Variants in GRIK4 observed in about 807,000 individuals in gnomAD.
GRIK4 encodes glutamate ionotropic receptor kainate type subunit 4.
GRIK4 carries 40 observed loss-of-function variants against 104.9 expected under a neutral mutation model. The observed-to-expected ratio is 0.38, with a 90% confidence interval of 0.30 to 0.50. GRIK4 has a LOEUF of 0.50. Among genes scored for constraint, GRIK4 ranks in the 20% least tolerant of loss-of-function variants. The pLI is 0.93. For missense variants in GRIK4, 1,047 were observed against 1,308.1 expected, an observed-to-expected ratio of 0.80 and a Z score of 3.08; for synonymous variants, 485 against 524.9, an observed-to-expected ratio of 0.92 and a Z score of 1.04.
In GRIK4 at chr11:120,903,876, G is replaced by A. The variant is rs1052772981; in HGVS notation, c.1273-1414G>A. Among the ~76,000 whole-genome samples, 9 of 152,132 alleles carry A rather than the reference G, an allele frequency of 5.9e-5. No individual in the cohort carries two copies. The highest frequency in any genetic ancestry group is 1.3e-4 in the Non-Finnish European group (9 of 68,022). The stretch of plus-strand genomic sequence containing the variant: ...CCACCACGCCTGCCTTCAAAAGGTC[G>A]GCAGTGACACATGATCAACACGCTG... On this transcript the variant is annotated intron_variant, in intron 12 of 20. Transcript: ENST00000527524. The surrounding 1 kb of genome is among the most constrained non-coding windows in gnomAD (Gnocchi z 4.4).
chr11:120,787,732 G>A (rs1382338551), intron 3 of GRIK4, among the ~76,000 whole-genome samples: 1 of 151,792 alleles, frequency 6.6e-6, no homozygotes, highest in Non-Finnish European at 1.5e-5. Flanking sequence ...CAAAGTGCTG[G>A]GATTACAGGT....
At chr11:120,883,523 C>T (rs1316312179) in intron 11 of GRIK4, among the ~76,000 whole-genome samples, 1 of 152,202 alleles carries the variant, frequency 6.6e-6, no homozygotes, top group Non-Finnish European at 1.5e-5. Flanking sequence ...CCAGGGACAA[C>T]GGTCAAGGGG....
rs1944054579 is a variant in GRIK4 at position 120,953,407 on chromosome 11, G to A, written c.1700+443G>A. On this transcript the variant is annotated intron_variant, in intron 15 of 20. Transcript: ENST00000527524. This position sits in a 1 kb window ranked among gnomAD's most constrained non-coding sequence, Gnocchi z 4.9. Reference sequence around the variant, plus strand: ...TGCCGAATGACAAGGAACAGAGCCTGCAAATCTGGACTGGGGGCACTGGGG... The same window carrying A: ...TGCCGAATGACAAGGAACAGAGCCTACAAATCTGGACTGGGGGCACTGGGG... Among the ~76,000 whole-genome samples, 2 of 152,022 alleles carry A rather than the reference G, an allele frequency of 1.3e-5. No homozygotes were observed. Among genetic ancestry groups the A allele is most frequent in the Non-Finnish European group, 2.9e-5 (2 of 68,004 alleles).
At chr11:120,527,729 G>A (rs1030947809) in intron 1 of GRIK4, among the ~76,000 whole-genome samples, 11 of 152,220 alleles carry the variant, frequency 7.2e-5, no homozygotes, top group African/African-American at 2.4e-4. Context: ...CATTGTGCTT[G>A]CATTTATATG....
chr11:120,540,718 T>C (rs565734083), intron 1 of GRIK4, among the ~76,000 whole-genome samples: 9 of 152,276 alleles, frequency 5.9e-5, no homozygotes, highest in African/African-American at 1.7e-4. Flanking sequence ...GGTGGGAAGC[T>C]TCCTGAGTTA....
At chr11:120,907,235 T>G (rs1463415444) in intron 13 of GRIK4, among the ~76,000 whole-genome samples, 2 of 152,224 alleles carry the variant, frequency 1.3e-5, no homozygotes, top group African/African-American at 2.4e-5. Flanking sequence ...ACTGATGTCC[T>G]TGTTCACCTT....
At chr11:120,933,396 T>C (rs531987207) in intron 13 of GRIK4, among the ~76,000 whole-genome samples, 2 of 152,160 alleles carry the variant, frequency 1.3e-5, no homozygotes, top group Non-Finnish European at 2.9e-5. Context: ...GCTACTTACT[T>C]CAAACCAGGC....
rs148696113 is a variant in GRIK4, at chr11:120,732,226, G to A, written c.83-70467G>A. 4.6e-4 allele frequency among the ~76,000 whole-genome samples: 70 copies of A among 152,192 alleles called. 1 individual carries two copies. In the East Asian group the frequency reaches 0.01, roughly 22 times the overall value. ...GGTTCACTGCAACCTGTGCCTCCTG[G>A]GTTCAAGCGATTCTCCTGCCTCAGC... is the stretch of plus-strand genomic sequence containing the variant. On this transcript the variant is annotated intron_variant, in intron 3 of 20. Coordinates refer to ENST00000527524, the MANE Select transcript of GRIK4 (RefSeq NM_014619.5).
intron 3 of GRIK4, among the ~76,000 whole-genome samples, chr11:120,666,011 G>C (rs1233717490): frequency 6.6e-6 from 1 of 152,198 alleles, no homozygotes; most frequent in Non-Finnish European, 1.5e-5. Flanking sequence ...TGAGAGGTTA[G>C]AGATGAATTA....
rs188367453 is a variant in GRIK4, at chr11:120,879,546, G to A, written c.1164+4303G>A. Among the ~76,000 whole-genome samples, 23 of 152,308 alleles carry A rather than the reference G, an allele frequency of 1.5e-4. No individual in the cohort carries two copies. In the East Asian group the frequency reaches 4.4e-3, roughly 29 times the overall value. On this transcript the variant is annotated intron_variant, in intron 11 of 20. Coordinates refer to ENST00000527524, the MANE Select transcript of GRIK4 (RefSeq NM_014619.5). ...TTTAAAAATAGTCTATCAGAACTCA[G>A]GATTGTTTTCTACTATTTTAAAAAT...
chr11:120,668,622 C>G (rs2135260486), intron 3 of GRIK4, among the ~76,000 whole-genome samples: 1 of 152,260 alleles, frequency 6.6e-6, no homozygotes, highest in South Asian at 2.1e-4. Context: ...CCTGGACTCA[C>G]CCAGGTTCCT....
intron 3 of GRIK4, among the ~76,000 whole-genome samples, chr11:120,772,847 G>A (rs1951973684): frequency 6.6e-6 from 1 of 151,780 alleles, no homozygotes; most frequent in African/African-American, 2.4e-5. Context: ...CCAAGTGCTG[G>A]TGCATTCATT....
At chr11:120,809,405 T>C (rs1246363818) in intron 4 of GRIK4, among the ~76,000 whole-genome samples, 1 of 152,160 alleles carries the variant, frequency 6.6e-6, no homozygotes, top group Non-Finnish European at 1.5e-5. Flanking sequence ...AGAATCAGCA[T>C]GCAGGGGTTC....
intron 3 of GRIK4, among the ~76,000 whole-genome samples, chr11:120,732,466 A>G (rs1939675): frequency 0.02 from 2,988 of 152,188 alleles, 38 homozygotes; most frequent in South Asian, 0.036. Context: ...TCATTAGGTT[A>G]TTTATTTGAA....
chr11:120,752,897 T>C lies in GRIK4; in HGVS notation c.83-49796T>C, dbSNP rs147025109. Among the ~76,000 whole-genome samples, 829 of 152,318 alleles carry C rather than the reference T, an allele frequency of 5.4e-3. 11 individuals carry two copies. The highest frequency in any genetic ancestry group is 0.018 in the African/African-American group (758 of 41,576). The stretch of plus-strand genomic sequence containing the variant: ...CCTCCATAGTCAAGTCAGAGGAGGC[T>C]CCCTCCAAGCGAGGGACGGAGGCAG... On this transcript the variant is annotated intron_variant, in intron 3 of 20. Transcript: ENST00000527524.
chr11:120,746,599 T>G (rs1175865752), intron 3 of GRIK4, among the ~76,000 whole-genome samples: 3 of 152,106 alleles, frequency 2.0e-5, no homozygotes, highest in African/African-American at 7.2e-5. Context: ...AGAGGAACTG[T>G]CCTAGGTAGC....
chr11:120,895,067 G>C (rs575413813), intron 11 of GRIK4, among the ~76,000 whole-genome samples: 1 of 152,256 alleles, frequency 6.6e-6, no homozygotes, highest in South Asian at 2.1e-4. Flanking sequence ...AGAGGAGGGA[G>C]GTGGGAAGGT....
At position 120,524,459 on chromosome 11, in the gene GRIK4, C is replaced by A. The variant is rs1225617313; in HGVS notation, c.-159+12572C>A. Among the ~76,000 whole-genome samples, 1 of 152,196 alleles carries A rather than the reference C, an allele frequency of 6.6e-6. No homozygotes were observed. Among genetic ancestry groups the A allele is most frequent in the Non-Finnish European group, 1.5e-5 (1 of 68,042 alleles). ...AAAACACATTTCCCCTGGTGGATGA[C>A]AGGACTGGTTTCTCAGGTTAGTGTA... On this transcript the variant is annotated intron_variant, in intron 1 of 20. Transcript: ENST00000527524. The surrounding 1 kb of genome is among the most constrained non-coding windows in gnomAD (Gnocchi z 4.5).
At chr11:120,793,200 G>A (rs937347243) in intron 3 of GRIK4, among the ~76,000 whole-genome samples, 1 of 152,126 alleles carries the variant, frequency 6.6e-6, no homozygotes, top group African/African-American at 2.4e-5. Flanking sequence ...TGGTGGGGAC[G>A]GAAGGCAGAG....
Sources: allele counts gnomAD v4.1 joint callset (sites outside exome capture counted in the v4.1 genomes callset), GRCh38; gene constraint gnomAD v4.1.1; non-coding constraint Gnocchi (gnomAD v3.1); transcripts MANE v1.5; gene names NCBI Gene and HGNC (gene_info 2026-07-23, HGNC 2026-07-21).